The following GCKR variants were observed in gnomAD, a reference collection of about 807,000 sequenced individuals.
GCKR encodes the protein glucokinase regulator.
A neutral mutation model predicts 82.9 loss-of-function variants in GCKR; 73 were observed. The ratio of observed to expected loss-of-function variants is 0.88; its 90% CI spans 0.73 to 1.07. The LOEUF (loss-of-function observed/expected upper bound fraction) is 1.07. Ranked by LOEUF, GCKR falls within the 50% of genes least tolerant of loss-of-function variation. The probability of loss-of-function intolerance (pLI) is 0.00; values close to 1 mark genes in which losing one functional copy is unlikely to be tolerated. For synonymous variants in GCKR, 294 were observed against 291.8 expected, an observed-to-expected ratio of 1.01 and a Z score of -0.08; for missense variants, 784 against 782.1, an observed-to-expected ratio of 1.00 and a Z score of -0.03.
At position 27,497,176 on chromosome 2, in the gene GCKR, C is replaced by T; in HGVS notation, c.61-68C>T. 7.6e-6 allele frequency: 12 copies of T among 1,576,950 alleles called. No homozygotes were observed. In the Middle Eastern group the frequency reaches 2.0e-3, roughly 263 times the overall value. On this transcript the variant is annotated intron_variant, in intron 1 of 18. Transcript: ENST00000264717. ...AACTCTGTGCCTGCTGCCACTCCCA[C>T]CTCCAGCTCAGCAGGCATGAATGAG...
intron 8 of GCKR, among the ~76,000 whole-genome samples, chr2:27,503,204 T>G (rs143066330): frequency 3.9e-5 from 6 of 151,992 alleles, no homozygotes; most frequent in African/African-American, 1.4e-4. Flanking sequence ...CTGCAGAGAG[T>G]GACATTAGTA....
chr2:27,508,080 A>T lies in GCKR; in HGVS notation c.1338+6A>T. On this transcript the variant is annotated splice_donor_region_variant and intron_variant, in intron 15 of 18. Transcript: ENST00000264717. ...CCGTGGGTCAGACCTTGCTGGTGAGAGTCCAGCCGTGACAAAGGGACCCAG... is the reference window on the plus strand; with the variant it reads ...CCGTGGGTCAGACCTTGCTGGTGAGTGTCCAGCCGTGACAAAGGGACCCAG... 1 of 1,609,348 alleles carries T rather than the reference A, an allele frequency of 6.2e-7. No individual in the cohort carries two copies.
At chr2:27,501,590 C>T (rs1669579880) in intron 8 of GCKR, 1 of 399,580 alleles carries the variant, frequency 2.5e-6, no homozygotes, top group South Asian at 2.0e-5. Flanking sequence ...GGGTGAGCCC[C>T]AAGCACCTTT....
chr2:27,516,290 T>G (rs964414188), intron 16 of GCKR, among the ~76,000 whole-genome samples: 2 of 134,082 alleles, frequency 1.5e-5, no homozygotes, highest in Non-Finnish European at 3.1e-5. Context: ...CTTGTTTTTT[T>G]TTTTTTTTTT....
At position 27,506,533 on chromosome 2, in the gene GCKR, A is replaced by G. The variant is rs1669750262; in HGVS notation, c.922A>G (p.Ser308Gly). ...TFERAHQVTY[S>G]QSPKIATLMK... ...TGAGCGAGCTCATCAGGTGACCTAC[A>G]GCCAAAGCCCCAAGATTGCCACCCT... The change falls in exon 11 of 19, where the codon AGC becomes GGC. Residue 308 changes from serine to glycine, a missense_variant. Ser to Gly is a moderately conservative substitution (Grantham distance 56). Transcript: ENST00000264717. 3.1e-6 allele frequency: 5 copies of G among 1,613,892 alleles called. No individual in the cohort carries two copies. In the Admixed American group the frequency reaches 5.0e-5, roughly 16 times the overall value.
At chr2:27,513,969 A>G (rs915999010) in intron 16 of GCKR, among the ~76,000 whole-genome samples, 4 of 148,154 alleles carry the variant, frequency 2.7e-5, no homozygotes, top group African/African-American at 1.0e-4. Context: ...TGCCCTGTCA[A>G]TCTCCTATGC....
intron 3 of GCKR, 36 bp downstream of exon 3, chr2:27,497,666 T>C (rs1347576918): frequency 4.8e-6 from 6 of 1,250,812 alleles, no homozygotes; most frequent in Admixed American, 1.7e-5. Flanking sequence ...CCTAAACTTT[T>C]CTGTTTCCCT....
intron 8 of GCKR, 144 bp from the exon 9 acceptor site, chr2:27,503,370 A>G (rs1401635192): frequency 1.4e-6 from 1 of 699,564 alleles, no homozygotes; most frequent in Non-Finnish European, 2.7e-6. Context: ...CAGTGCCTCT[A>G]AAAGTTCCAA....
chr2:27,515,552 A>G (rs575244915), intron 16 of GCKR, among the ~76,000 whole-genome samples: 1 of 152,242 alleles, frequency 6.6e-6, no homozygotes, highest in South Asian at 2.1e-4. Context: ...CTGGGATTAT[A>G]GGCGTGGTCC....
At chr2:27,522,272 A>C (rs1670169017) in intron 17 of GCKR, among the ~76,000 whole-genome samples, 188 bp from the exon 18 acceptor site, 1 of 152,066 alleles carries the variant, frequency 6.6e-6, no homozygotes, top group South Asian at 2.1e-4. Flanking sequence ...CAACCCCTTT[A>C]ACCTAGTTTT....
intron 16 of GCKR, among the ~76,000 whole-genome samples, chr2:27,511,013 A>G (rs1204429602): frequency 2.0e-5 from 3 of 151,420 alleles, no homozygotes; most frequent in Non-Finnish European, 4.4e-5. Flanking sequence ...CTTTTGGTTG[A>G]TGTTGGTTTT....
intron 8 of GCKR, chr2:27,501,978 A>T (rs1310632411): frequency 6.8e-6 from 2 of 295,950 alleles, no homozygotes. Context: ...GCAACCCTGG[A>T]GATTCTGATG....
chr2:27,516,046 G>T (rs548425989), intron 16 of GCKR, among the ~76,000 whole-genome samples: 9 of 151,040 alleles, frequency 6.0e-5, no homozygotes, highest in Non-Finnish European at 1.2e-4. Context: ...CAAAGAGCTG[G>T]GGTTACTGGG....
intron 7 of GCKR, among the ~76,000 whole-genome samples, chr2:27,500,192 G>A (rs775888888): frequency 4.0e-4 from 61 of 152,134 alleles, no homozygotes; most frequent in Admixed American, 7.9e-4. Context: ...CCAGGTTCAA[G>A]CGATTCTCCT....
Position 27,508,260 on chromosome 2 carries a change from A to T in GCKR, c.1422+9A>T, listed in dbSNP as rs1169301703. The stretch of plus-strand genomic sequence containing the variant: ...AAGGGAACTTCATCCAGGTATGGGG[A>T]ATGAGAAGGTCCTATCTGCAGTAAG... On this transcript the variant is annotated intron_variant, in intron 16 of 18. Coordinates refer to ENST00000264717, the MANE Select transcript of GCKR (RefSeq NM_001486.4). 1 of 1,539,420 alleles carries T rather than the reference A, an allele frequency of 6.5e-7. No individual in the cohort carries two copies. The highest frequency in any genetic ancestry group is 9.0e-7 in the Non-Finnish European group (1 of 1,112,048).
At chr2:27,510,626 A>G in intron 16 of GCKR, among the ~76,000 whole-genome samples, 1 of 152,228 alleles carries the variant, frequency 6.6e-6, no homozygotes. Context: ...CATACTGGAT[A>G]GCATCCTTAT....
rs748135984 is a variant in GCKR, at chr2:27,523,412, C to T, written c.1851C>T (p.Leu617=). The T allele has an allele frequency of 8.1e-6, 13 of 1,609,382 alleles. No individual in the cohort carries two copies. The highest frequency in any genetic ancestry group is 5.5e-5 in the South Asian group (5 of 91,074). ...GPGQKRTADP[L]EILEPDVQ is the part of the protein sequence containing the mutation. Reference sequence around the variant, plus strand: ...GTCAGAAGCGCACTGCGGACCCCCTCGAGATCCTAGAGCCTGACGTTCAGT... The same window carrying T: ...GTCAGAAGCGCACTGCGGACCCCCTTGAGATCCTAGAGCCTGACGTTCAGT... Residue 617 remains leucine, a synonymous_variant, in exon 19 of 19, where the codon CTC becomes CTT. Coordinates refer to ENST00000264717, the MANE Select transcript of GCKR (RefSeq NM_001486.4).
chr2:27,506,957 G>C (rs1669763421), intron 12 of GCKR, 72 bp downstream of exon 12: 2 of 995,238 alleles, frequency 2.0e-6, no homozygotes, highest in South Asian at 2.5e-5. Flanking sequence ...TCCAAACACT[G>C]TCCTACTCCC....
At chr2:27,505,403 C>CAAAAAAA in intron 9 of GCKR, among the ~76,000 whole-genome samples, 1 of 54,508 alleles carries the variant, frequency 1.8e-5, no homozygotes, top group Non-Finnish European at 4.0e-5. Context: ...GACTCCATCT[C>CAAAAAAA]AAAAAAAAAA....
Sources: gnomAD v4.1 joint callset for allele counts (sites outside exome capture counted in the v4.1 genomes callset) on GRCh38, gnomAD v4.1.1 for gene constraint, MANE v1.5 for transcripts, NCBI Gene and HGNC (gene_info 2026-07-23, HGNC 2026-07-21) for gene names.